KANSL1: variants seen among roughly 807,000 people sequenced by gnomAD.
KANSL1 encodes MLL1/MLL complex subunit KANSL1.
In KANSL1, 22 loss-of-function variants were observed where a neutral mutation model predicts 103.6. That is an observed-to-expected ratio of 0.21 (90% confidence interval 0.15 to 0.30). The LOEUF is 0.30. Among genes scored for constraint, KANSL1 ranks in the 10% least tolerant of loss-of-function variants. The pLI is 1.00. For missense variants in KANSL1, 1,337 were observed against 1,399.8 expected (o/e 0.96, Z 0.72); for synonymous variants, 600 against 527.6 (o/e 1.14, Z -1.88).
intron 1 of KANSL1, among the ~76,000 whole-genome samples, chr17:46,217,996 A>G (rs1001670194): frequency 3.3e-5 from 5 of 152,256 alleles, no homozygotes; most frequent in Non-Finnish European, 7.3e-5. Flanking sequence ...ACTGCACTCC[A>G]GCCTGGGCAA....
rs765182404 is a variant in KANSL1 at position 46,171,202 on chromosome 17, C to G, written c.942G>C (p.Glu314Asp). The G allele has an allele frequency of 6.2e-7, 1 of 1,614,142 alleles. No homozygotes were observed. Among genetic ancestry groups the G allele is most frequent in the Non-Finnish European group, 8.5e-7 (1 of 1,180,048 alleles). The change falls in exon 2 of 15, where the codon GAG (glutamate) becomes GAC (aspartate). Residue 314 changes from glutamate (E) to aspartate (D), a missense_variant. By Grantham distance (45) the Glu-to-Asp change is conservative. Around this residue, in one of 2 missense-constraint regions of KANSL1, gnomAD observed 557 missense variants for 476.4 expected, o/e 1.17. Transcript: ENST00000432791. ...CACCCAGCTGATGTTGTATATGCCT[C>G]TCAACCTGCTTGGCTTGCACAACCT... The part of the protein sequence containing the change: ...RLQVVQAKQV[E>D]RHIQHQLGGF...
Position 46,052,963 on chromosome 17 carries a change from C to CAAAA in KANSL1, c.1849-2260_1849-2259insTTTT, listed in dbSNP as rs2077769956. Among the ~76,000 whole-genome samples the CAAAA allele has an allele frequency of 2.5e-4, 11 of 43,162 alleles. 2 individuals are homozygous for CAAAA. Among genetic ancestry groups the CAAAA allele is most frequent in the African/African-American group, 1.0e-3 (10 of 9,826 alleles). 28.3% of individuals were successfully genotyped at this position (43,162 alleles called of 152,430 possible). A position where few individuals can be genotyped will look rare whatever the true frequency, so the allele number is the denominator to read the frequency against. ...TGGGAAAAAGAGTAAGATCCTGTCT[C>CAAAA]CAAAAAAAAAAAAAAAAAAAAAAAA... On this transcript the variant is annotated intron_variant, in intron 6 of 14. Transcript: ENST00000432791.
At chr17:46,193,722 C>T, upstream of KANSL1, 1 of 252,384 alleles carries the variant, frequency 4.0e-6, no homozygotes, top group Non-Finnish European at 8.3e-6. Context: ...GGGAAGCCAG[C>T]CCTCGCTGCG....
chr17:46,143,801 C>T (rs2044549351), intron 2 of KANSL1, among the ~76,000 whole-genome samples: 1 of 45,480 alleles, frequency 2.2e-5, no homozygotes, highest in South Asian at 6.4e-4. Flanking sequence ...GAGACTCCAT[C>T]TCAAAAAAAA....
At chr17:46,082,800 A>G (rs1427149300) in intron 3 of KANSL1, among the ~76,000 whole-genome samples, 2 of 152,048 alleles carry the variant, frequency 1.3e-5, no homozygotes, top group South Asian at 4.2e-4. Context: ...ATCTTTATTC[A>G]TATCTTTCAG....
intron 1 of KANSL1, among the ~76,000 whole-genome samples, chr17:46,172,977 C>G (rs2046359488): frequency 2.0e-5 from 3 of 152,204 alleles, no homozygotes; most frequent in African/African-American, 7.2e-5. Flanking sequence ...GTATAAATAA[C>G]TGTCTCTGCA....
chr17:46,097,736 G>A (rs962908554), intron 2 of KANSL1, among the ~76,000 whole-genome samples: 2 of 152,100 alleles, frequency 1.3e-5, no homozygotes, highest in Non-Finnish European at 2.9e-5. Flanking sequence ...TTCCCATCAG[G>A]ATACACACAC....
chr17:46,105,332 T>C (rs575649640), intron 2 of KANSL1, among the ~76,000 whole-genome samples: 4 of 152,164 alleles, frequency 2.6e-5, no homozygotes, highest in Non-Finnish European at 5.9e-5. Flanking sequence ...AGAGATTGCT[T>C]GAGGCCGAGC....
At chr17:46,194,350 A>G (rs2147948278), upstream of KANSL1, among the ~76,000 whole-genome samples, 1 of 152,396 alleles carries the variant, frequency 6.6e-6, no homozygotes, top group African/African-American at 2.4e-5. Flanking sequence ...ATAAAGAAAC[A>G]CAAGTCTCAC....
chr17:46,180,426 C>T (rs528581232), intron 1 of KANSL1, among the ~76,000 whole-genome samples: 93 of 151,126 alleles, frequency 6.2e-4, no homozygotes, highest in African/African-American at 2.2e-3. Flanking sequence ...GAAACCTGAG[C>T]GGCAGAGGTT....
chr17:46,182,266 T>C (rs757961284), intron 1 of KANSL1, among the ~76,000 whole-genome samples: 2 of 152,052 alleles, frequency 1.3e-5, no homozygotes, highest in Admixed American at 6.6e-5. Context: ...ACAATCAAAA[T>C]AATGGGAAAG....
intron 2 of KANSL1, among the ~76,000 whole-genome samples, chr17:46,139,551 G>A (rs576599213): frequency 6.6e-6 from 1 of 152,326 alleles, no homozygotes; most frequent in South Asian, 2.1e-4. Context: ...GCACGAAGAA[G>A]CAGAGGAAAC....
intron 9 of KANSL1, 117 bp from the exon 10 acceptor site, chr17:46,038,803 G>C (rs1267357523): frequency 1.5e-6 from 2 of 1,373,164 alleles, no homozygotes; most frequent in Non-Finnish European, 2.0e-6. Flanking sequence ...TCTATGCCTA[G>C]AGGATAAAAA....
chr17:46,061,818 G>A (rs951494724), intron 6 of KANSL1, among the ~76,000 whole-genome samples: 13 of 152,136 alleles, frequency 8.5e-5, no homozygotes, highest in Non-Finnish European at 1.6e-4. Flanking sequence ...TTGGCCGGGC[G>A]CGGTGGCTCA....
chr17:46,203,688 T>G lies in KANSL1; in HGVS notation c.-90+19983A>C, dbSNP rs558537706. On this transcript the variant is annotated intron_variant, in intron 1 of 14. Transcript: ENST00000572904. ...TCCAATTCCATTTTCTTCTGGACTC[T>G]TTTCTGAAGCTTGCCTAAATCATCC... Among the ~76,000 whole-genome samples, 5 of 152,374 alleles carry G rather than the reference T, an allele frequency of 3.3e-5. No homozygotes were observed. The East Asian group carries it at 7.7e-4, about 24-fold the overall frequency.
At chr17:46,057,566 C>A (rs1436029609) in intron 6 of KANSL1, among the ~76,000 whole-genome samples, 1 of 152,078 alleles carries the variant, frequency 6.6e-6, no homozygotes, top group Non-Finnish European at 1.5e-5. Flanking sequence ...ACAGTTTAGT[C>A]ATTACGTGTC....
intron 2 of KANSL1, among the ~76,000 whole-genome samples, chr17:46,102,882 TC>T (rs2042380837): frequency 6.6e-6 from 1 of 152,186 alleles, no homozygotes; most frequent in Admixed American, 6.5e-5. Context: ...CGATAAGAGA[TC>T]CTAACTATGT....
chr17:46,078,868 CA>C, intron 4 of KANSL1, among the ~76,000 whole-genome samples: 1 of 152,178 alleles, frequency 6.6e-6, no homozygotes, highest in Non-Finnish European at 1.5e-5. Context: ...TCCAAGGGCA[CA>C]CCCTCTTTGT....
At chr17:46,186,738 CT>C (rs1219903592) in intron 1 of KANSL1, among the ~76,000 whole-genome samples, 1 of 151,900 alleles carries the variant, frequency 6.6e-6, no homozygotes, top group Non-Finnish European at 1.5e-5. Context: ...TTTCTTTTTT[CT>C]TTTTTTTGAG....
Sources: gnomAD v4.1 joint callset for allele counts (sites outside exome capture counted in the v4.1 genomes callset) on GRCh38, gnomAD v4.1.1 for gene constraint, gnomAD v4.1.1 regional missense constraint, MANE v1.5 for transcripts, NCBI Gene and HGNC (gene_info 2026-07-23, HGNC 2026-07-21) for gene names.